PRKCQ: variants seen among roughly 807,000 people sequenced by gnomAD.
PRKCQ encodes protein kinase C theta.
In PRKCQ, 41 loss-of-function variants were observed where a neutral mutation model predicts 91.2. The observed-to-expected ratio is 0.45, with a 90% CI of 0.35 to 0.58. PRKCQ has a LOEUF of 0.58. Ranked by LOEUF, PRKCQ falls within the 20% of genes least tolerant of loss-of-function variation. PRKCQ has a pLI of 0.00. For synonymous variants in PRKCQ, 307 were observed against 316.9 expected (o/e 0.97, Z 0.33); for missense variants, 673 against 896.5 (o/e 0.75, Z 3.18).
At chr10:6,573,080 A>G (rs549244622) in intron 1 of PRKCQ, among the ~76,000 whole-genome samples, 2 of 152,288 alleles carry the variant, frequency 1.3e-5, no homozygotes, top group African/African-American at 4.8e-5. Context: ...CAAATGATAC[A>G]GTTTCATGAA....
At chr10:6,543,081 G>A (rs1839828482) in intron 1 of PRKCQ, among the ~76,000 whole-genome samples, 1 of 152,166 alleles carries the variant, frequency 6.6e-6, no homozygotes, top group Admixed American at 6.5e-5. Context: ...CTGAGGGTGG[G>A]CCCTGCCCTC....
intron 1 of PRKCQ, among the ~76,000 whole-genome samples, chr10:6,538,639 A>AT: frequency 6.6e-6 from 1 of 152,370 alleles, no homozygotes; most frequent in Middle Eastern, 3.4e-3. Context: ...CCAAAGTGAC[A>AT]TAAGTCTGCC....
intron 8 of PRKCQ, among the ~76,000 whole-genome samples, chr10:6,487,900 G>A (rs970567849): frequency 1.3e-5 from 2 of 151,478 alleles, no homozygotes; most frequent in Non-Finnish European, 2.9e-5. Context: ...AGCTACTCAG[G>A]AGGCTGAGGC....
intron 1 of PRKCQ, among the ~76,000 whole-genome samples, chr10:6,565,860 G>A (rs1430962894): frequency 6.6e-6 from 1 of 152,208 alleles, no homozygotes; most frequent in Non-Finnish European, 1.5e-5. Flanking sequence ...TTACAAAGTA[G>A]AGTAATTCAC....
At chr10:6,564,524 G>A (rs1840764996) in intron 1 of PRKCQ, among the ~76,000 whole-genome samples, 1 of 151,842 alleles carries the variant, frequency 6.6e-6, no homozygotes, top group Admixed American at 6.6e-5. Context: ...CCTACTTTGG[G>A]GCCACATATG....
At chr10:6,560,525 G>A (rs369710965) in intron 1 of PRKCQ, among the ~76,000 whole-genome samples, 6 of 152,146 alleles carry the variant, frequency 3.9e-5, no homozygotes, top group African/African-American at 7.2e-5. Flanking sequence ...AAAGTGTGGC[G>A]ACTTTGTCTC....
At chr10:6,478,251 T>C (rs1445178236) in intron 12 of PRKCQ, among the ~76,000 whole-genome samples, 1 of 152,198 alleles carries the variant, frequency 6.6e-6, no homozygotes, top group Non-Finnish European at 1.5e-5. Flanking sequence ...AGAAGTCCAC[T>C]GCAGAGAGAA....
At chr10:6,574,943 T>C (rs139859135) in intron 1 of PRKCQ, among the ~76,000 whole-genome samples, 3 of 139,164 alleles carry the variant, frequency 2.2e-5, no homozygotes, top group East Asian at 4.4e-4. Flanking sequence ...GTGCACATAA[T>C]ACCAAGTGTG....
chr10:6,565,960 T>G (rs112877518), intron 1 of PRKCQ, among the ~76,000 whole-genome samples: 20 of 152,346 alleles, frequency 1.3e-4, no homozygotes, highest in African/African-American at 4.8e-4. Flanking sequence ...TTTATTTTTA[T>G]TGAATGACTA....
At chr10:6,569,010 T>C (rs1840939405) in intron 1 of PRKCQ, among the ~76,000 whole-genome samples, 2 of 152,166 alleles carry the variant, frequency 1.3e-5, no homozygotes, top group Middle Eastern at 3.2e-3. Context: ...GGCAAAATCT[T>C]CCAAGACAAT....
Position 6,444,403 on chromosome 10 carries a change from A to G in PRKCQ, c.1648-2322T>C, listed in dbSNP as rs79032828. Among the ~76,000 whole-genome samples the G allele has an allele frequency of 1.4e-4, 22 of 152,302 alleles. No homozygotes were observed. In the East Asian group the frequency reaches 3.1e-3, roughly 21 times the overall value. On this transcript the variant is annotated intron_variant, in intron 15 of 17. Transcript: ENST00000263125. Reference sequence around the variant, plus strand: ...TGTACACAAAAATAGTTCAGATGGTAAATTTCATGTTACGTGTATTTTCCC... The same window carrying G: ...TGTACACAAAAATAGTTCAGATGGTGAATTTCATGTTACGTGTATTTTCCC...
At chr10:6,518,826 A>T (rs1244910036) in intron 1 of PRKCQ, among the ~76,000 whole-genome samples, 1 of 149,656 alleles carries the variant, frequency 6.7e-6, no homozygotes, top group African/African-American at 2.6e-5. Context: ...TTAAAAAAAG[A>T]AAAGAAAAGA....
intron 1 of PRKCQ, among the ~76,000 whole-genome samples, chr10:6,546,627 T>C (rs929073544): frequency 1.3e-5 from 2 of 152,198 alleles, no homozygotes; most frequent in African/African-American, 4.8e-5. Flanking sequence ...TAAGGAGATT[T>C]TGGGCTGAGA....
chr10:6,444,746 TG>T (rs1834163552), intron 15 of PRKCQ, among the ~76,000 whole-genome samples: 1 of 152,146 alleles, frequency 6.6e-6, no homozygotes, highest in African/African-American at 2.4e-5. Flanking sequence ...GGTATTTTTT[TG>T]TTGGCGCTAC....
rs774054702 is a variant in PRKCQ at position 6,430,945 on chromosome 10, G to A, written c.1837-7C>T. The A allele has an allele frequency of 3.7e-6, 6 of 1,613,658 alleles. No homozygotes were observed. The highest frequency in any genetic ancestry group is 5.1e-6 in the Non-Finnish European group (6 of 1,179,788). ...CAGGTTCTCGCACGAAGAGCTGAAA[G>A]GGAGCAGAGCAGGAGCCCTGAGGTC... On this transcript the variant is annotated splice_polypyrimidine_tract_variant and splice_region_variant and intron_variant, in intron 16 of 17. Transcript: ENST00000263125. This position sits in a 1 kb window ranked among gnomAD's most constrained non-coding sequence, Gnocchi z 4.7.
chr10:6,538,174 CT>C (rs1173044584), intron 1 of PRKCQ, among the ~76,000 whole-genome samples: 4 of 152,252 alleles, frequency 2.6e-5, no homozygotes, highest in Admixed American at 1.3e-4. Flanking sequence ...AGTACCTGCT[CT>C]AAGGTGAGGC....
chr10:6,438,368 A>C (rs1289227420), intron 16 of PRKCQ, among the ~76,000 whole-genome samples: 1 of 152,228 alleles, frequency 6.6e-6, no homozygotes, highest in East Asian at 1.9e-4. Context: ...AAAAAAGATG[A>C]GCCTGCTAAT....
At chr10:6,488,927 G>C (rs1176148415) in intron 8 of PRKCQ, among the ~76,000 whole-genome samples, 1 of 151,900 alleles carries the variant, frequency 6.6e-6, no homozygotes, top group Non-Finnish European at 1.5e-5. Context: ...CCACAGGCGT[G>C]CACACCACTA....
At chr10:6,420,577 G>A in the PRKCQ span, among the ~76,000 whole-genome samples, 65 of 152,098 alleles carry the variant, frequency 4.3e-4, no homozygotes, top group Middle Eastern at 3.2e-3. Flanking sequence ...ATAGCAGGTA[G>A]GCAGAGGATA....
Sources: gnomAD v4.1 joint callset for allele counts (sites outside exome capture counted in the v4.1 genomes callset) on GRCh38, gnomAD v4.1.1 for gene constraint, Gnocchi (gnomAD v3.1) non-coding constraint, MANE v1.5 for transcripts, NCBI Gene and HGNC (gene_info 2026-07-23, HGNC 2026-07-21) for gene names.